The following SAMD13 variants were observed in gnomAD, a reference collection of about 807,000 sequenced individuals.
SAMD13 encodes sterile alpha motif domain-containing protein 13.
A neutral mutation model predicts 12.4 loss-of-function variants in SAMD13; 9 were observed. The observed-to-expected ratio is 0.72, with a 90% CI of 0.44 to 1.26. The LOEUF (loss-of-function observed/expected upper bound fraction) is 1.26, where lower values mean the gene tolerates loss of function less well. SAMD13 is among the 50% of genes most tolerant of loss of function. SAMD13 has a pLI of 0.00. For missense variants in SAMD13, 84 were observed against 119.6 expected (o/e 0.70, Z 1.39); for synonymous variants, 46 against 45.4 (o/e 1.01, Z -0.05).
intron 3 of SAMD13, among the ~76,000 whole-genome samples, chr1:84,332,677 G>A (rs1323205522): frequency 2.0e-5 from 3 of 152,140 alleles, no homozygotes; most frequent in East Asian, 3.9e-4. Flanking sequence ...CATTTTGTAG[G>A]TTGTTTGTTT....
chr1:84,320,641 G>A (rs1678923370), intron 2 of SAMD13, among the ~76,000 whole-genome samples: 1 of 152,200 alleles, frequency 6.6e-6, no homozygotes, highest in East Asian at 1.9e-4. Flanking sequence ...GCCAGAGGCT[G>A]TTTTAAGACA....
At position 84,345,204 on chromosome 1, in the gene SAMD13, G is replaced by A. The variant is rs192364458; in HGVS notation, c.166-4427G>A. 1,436 of 456,314 alleles carry A rather than the reference G, an allele frequency of 3.1e-3. 32 individuals carry two copies. The highest frequency in any genetic ancestry group is 1.1e-3 in the Non-Finnish European group (251 of 226,956). 28.3% of individuals were successfully genotyped at this position (456,314 alleles called of 1,614,324 possible). On this transcript the variant is annotated intron_variant, in intron 3 of 3. Transcript: ENST00000394834. ...TGGCAAGAGAGTTGTTACAAAGAAAGTGCTAGAAGATGTGAGGGGGAAGAA... is the reference window on the plus strand; with the variant it reads ...TGGCAAGAGAGTTGTTACAAAGAAAATGCTAGAAGATGTGAGGGGGAAGAA...
chr1:84,326,932 A>G (rs1387739580), intron 3 of SAMD13, among the ~76,000 whole-genome samples: 1 of 152,158 alleles, frequency 6.6e-6, no homozygotes, highest in Non-Finnish European at 1.5e-5. Flanking sequence ...AGCAGCTTAA[A>G]TTTCTTCATA....
chr1:84,324,785 G>A (rs1233216039), intron 2 of SAMD13, among the ~76,000 whole-genome samples: 2 of 152,208 alleles, frequency 1.3e-5, no homozygotes, highest in Non-Finnish European at 2.9e-5. Flanking sequence ...GTCATTACCA[G>A]TCTTTCTTTA....
intron 3 of SAMD13, among the ~76,000 whole-genome samples, chr1:84,348,035 T>C (rs1462473269): frequency 2.6e-5 from 4 of 152,090 alleles, no homozygotes; most frequent in African/African-American, 9.7e-5. Context: ...ATAGACCAGG[T>C]AGAAGTAATT....
At chr1:84,313,360 T>C (rs1274254727) in intron 2 of SAMD13, among the ~76,000 whole-genome samples, 2 of 152,178 alleles carry the variant, frequency 1.3e-5, no homozygotes, top group Non-Finnish European at 2.9e-5. Flanking sequence ...CACACTCTTA[T>C]CATTGATCTG....
chr1:84,323,343 A>G (rs1232402943), intron 2 of SAMD13, among the ~76,000 whole-genome samples: 1 of 152,118 alleles, frequency 6.6e-6, no homozygotes, highest in East Asian at 1.9e-4. Flanking sequence ...CATAGTTAAT[A>G]TTTAGTAACA....
At chr1:84,349,428 A>G (rs943678503) in intron 3 of SAMD13, among the ~76,000 whole-genome samples, 1 of 152,206 alleles carries the variant, frequency 6.6e-6, no homozygotes, top group Non-Finnish European at 1.5e-5. Context: ...TCAGCTATAG[A>G]TTGTGTTTAA....
chr1:84,320,441 C>T (rs1345523311), intron 2 of SAMD13, among the ~76,000 whole-genome samples: 1 of 152,168 alleles, frequency 6.6e-6, no homozygotes, highest in East Asian at 1.9e-4. Flanking sequence ...AATGTTCTGT[C>T]CAGAATCTTT....
intron 3 of SAMD13, among the ~76,000 whole-genome samples, chr1:84,344,506 A>G (rs918785264): frequency 2.0e-5 from 3 of 152,192 alleles, no homozygotes; most frequent in African/African-American, 7.2e-5. Context: ...AAGGATCCAT[A>G]CAACAAAGAG....
At chr1:84,318,723 T>A (rs2101799452) in intron 2 of SAMD13, among the ~76,000 whole-genome samples, 1 of 152,308 alleles carries the variant, frequency 6.6e-6, no homozygotes, top group Middle Eastern at 3.4e-3. Flanking sequence ...GGCACTATTT[T>A]ATTTTTCTTA....
intron 3 of SAMD13, among the ~76,000 whole-genome samples, chr1:84,329,903 A>T (rs570417519): frequency 1.3e-5 from 2 of 152,276 alleles, no homozygotes; most frequent in Admixed American, 1.3e-4. Context: ...CTCACCATGT[A>T]GGGAGTCTGG....
chr1:84,338,114 T>C (rs1056014223), intron 3 of SAMD13, among the ~76,000 whole-genome samples: 19 of 152,222 alleles, frequency 1.2e-4, no homozygotes, highest in African/African-American at 4.3e-4. Context: ...CTTTCCCACA[T>C]TTTCCTGTCT....
intron 3 of SAMD13, among the ~76,000 whole-genome samples, chr1:84,348,617 T>A (rs1003951871): frequency 4.6e-5 from 7 of 152,308 alleles, no homozygotes; most frequent in Middle Eastern, 3.4e-3. Context: ...CATTCAGCAT[T>A]CTTCTCAGTG....
At chr1:84,329,802 A>G (rs1201399263) in intron 3 of SAMD13, among the ~76,000 whole-genome samples, 1 of 152,220 alleles carries the variant, frequency 6.6e-6, no homozygotes, top group Non-Finnish European at 1.5e-5. Flanking sequence ...CCCATCACAA[A>G]TAACCCAGTG....
intron 1 of SAMD13, chr1:84,302,998 A>T: frequency 2.1e-6 from 1 of 471,952 alleles, no homozygotes; most frequent in Non-Finnish European, 3.9e-6. Flanking sequence ...GAGTGCCAGT[A>T]CAGATGAAAG....
At chr1:84,342,062 A>T (rs1381393190) in intron 3 of SAMD13, among the ~76,000 whole-genome samples, 1 of 152,218 alleles carries the variant, frequency 6.6e-6, no homozygotes, top group African/African-American at 2.4e-5. Flanking sequence ...ATAAGTTAGC[A>T]TAAGGAAAAA....
upstream of SAMD13, among the ~76,000 whole-genome samples, chr1:84,299,866 G>A (rs1303565237): frequency 6.6e-6 from 1 of 151,992 alleles, no homozygotes. Context: ...GATCACAGCA[G>A]GCCAGATGGG....
chr1:84,327,406 A>C (rs1461736800), intron 3 of SAMD13, among the ~76,000 whole-genome samples: 1 of 152,126 alleles, frequency 6.6e-6, no homozygotes, highest in Non-Finnish European at 1.5e-5. Flanking sequence ...TGGTAAAAAA[A>C]CAATCAGAAC....
Sources: gnomAD v4.1 joint callset for allele counts (sites outside exome capture counted in the v4.1 genomes callset) on GRCh38, gnomAD v4.1.1 for gene constraint, MANE v1.5 for transcripts, NCBI Gene and HGNC (gene_info 2026-07-23, HGNC 2026-07-21) for gene names.